The following NFIC variants were observed in gnomAD, a reference collection of about 807,000 sequenced individuals.
NFIC encodes the protein nuclear factor 1 C-type.
A neutral mutation model predicts 54.4 loss-of-function variants in NFIC; 12 were observed. The observed-to-expected ratio is 0.22, with a 90% CI of 0.14 to 0.36. NFIC has a LOEUF of 0.36. NFIC is among the 10% of genes least tolerant of loss of function. NFIC has a pLI of 1.00. For missense variants in NFIC, 575 were observed against 718.2 expected (o/e 0.80, Z 2.28); for synonymous variants, 322 against 319.2 (o/e 1.01, Z -0.09).
chr19:3,455,110 A>G lies in NFIC; in HGVS notation c.1423+1194A>G, dbSNP rs201506171. On this transcript the variant is annotated intron_variant, in intron 9 of 10. Coordinates refer to ENST00000443272, the MANE Select transcript of NFIC (RefSeq NM_001245002.2). The stretch of plus-strand genomic sequence containing the variant: ...CATGGGTCAGGGAGGCAGAGAGGAC[A>G]TTCCATGTGGCGCCTGATGCTGCGT... Among the ~76,000 whole-genome samples the G allele has an allele frequency of 7.2e-5, 11 of 152,318 alleles. No homozygotes were observed. In the East Asian group the frequency reaches 1.9e-3, roughly 27 times the overall value.
At chr19:3,433,279 A>G (rs2145627677) in intron 3 of NFIC, among the ~76,000 whole-genome samples, 1 of 152,354 alleles carries the variant, frequency 6.6e-6, no homozygotes, top group Non-Finnish European at 1.5e-5. Flanking sequence ...GTTCACTTGA[A>G]TGCAGCATTC....
At chr19:3,440,855 A>AGT (rs1341032487) in intron 6 of NFIC, among the ~76,000 whole-genome samples, 1 of 152,008 alleles carries the variant, frequency 6.6e-6, no homozygotes, top group African/African-American at 2.4e-5. Flanking sequence ...TTTCCCAAAT[A>AGT]GTGACTTGCT....
rs2082487496 is a variant in NFIC at position 3,452,739 on chromosome 19, C to T, written c.1269+73C>T. On this transcript the variant is annotated intron_variant, in intron 8 of 10. Coordinates refer to ENST00000443272, the MANE Select transcript of NFIC (RefSeq NM_001245002.2). This position sits in a 1 kb window ranked among gnomAD's most constrained non-coding sequence, Gnocchi z 5.3. ...ACCTCCCGGGGGCCACGTGCTCACA[C>T]GAAGGCACAACCTCTGCTTAAAAGG... The T allele has an allele frequency of 8.0e-6, 12 of 1,499,324 alleles. No homozygotes were observed. The highest frequency in any genetic ancestry group is 5.1e-5 in the South Asian group (4 of 77,934). 92.9% of individuals were successfully genotyped at this position (1,499,324 alleles called of 1,614,324 possible).
chr19:3,400,232 T>G (rs2081534358), intron 2 of NFIC, among the ~76,000 whole-genome samples: 1 of 151,816 alleles, frequency 6.6e-6, no homozygotes, highest in East Asian at 1.9e-4. Context: ...TCCCAGCACT[T>G]TGGGAGGCTG....
chr19:3,448,257 G>A (rs2145671483), intron 6 of NFIC, among the ~76,000 whole-genome samples: 1 of 152,324 alleles, frequency 6.6e-6, no homozygotes, highest in South Asian at 2.1e-4. Context: ...ATTTTTAGTG[G>A]AGACAGGGTT....
At position 3,390,120 on chromosome 19, in the gene NFIC, G is replaced by A. The variant is rs116220188; in HGVS notation, c.562+7877G>A. On this transcript the variant is annotated intron_variant, in intron 2 of 10. Coordinates refer to ENST00000443272, the MANE Select transcript of NFIC (RefSeq NM_001245002.2). Reference sequence around the variant, plus strand: ...CTTTTCCCAACCCAGTGAGCCAGTGGGGGCACCGTGACCCAGGAGTGGCTG... The same window carrying A: ...CTTTTCCCAACCCAGTGAGCCAGTGAGGGCACCGTGACCCAGGAGTGGCTG... Among the ~76,000 whole-genome samples the A allele has an allele frequency of 6.1e-3, 929 of 152,350 alleles. 5 individuals carry two copies. The highest frequency in any genetic ancestry group is 0.021 in the African/African-American group (881 of 41,576).
chr19:3,448,325 A>G (rs1422331039), intron 6 of NFIC, among the ~76,000 whole-genome samples: 1 of 152,158 alleles, frequency 6.6e-6, no homozygotes, highest in East Asian at 1.9e-4. Context: ...TGCCCACCTC[A>G]GCCTCCCAAA....
chr19:3,434,121 T>C (rs572099605), intron 4 of NFIC, among the ~76,000 whole-genome samples, 156 bp from the exon 5 acceptor site: 2 of 152,252 alleles, frequency 1.3e-5, no homozygotes, highest in East Asian at 1.9e-4. Flanking sequence ...CTCTGATCCA[T>C]AGAATAAAAC....
intron 1 of NFIC, chr19:3,359,735 G>A (rs1490893020): frequency 7.2e-7 from 1 of 1,396,120 alleles, no homozygotes; most frequent in Non-Finnish European, 9.4e-7. Flanking sequence ...TTTTGGGGTG[G>A]TGCGTGGGCT....
At chr19:3,419,129 A>G (rs1489260151) in intron 2 of NFIC, among the ~76,000 whole-genome samples, 1 of 152,108 alleles carries the variant, frequency 6.6e-6, no homozygotes, top group East Asian at 1.9e-4. Context: ...GTTTGGGAAG[A>G]GTAGAAAGTT....
chr19:3,434,456 C>T lies in NFIC; in HGVS notation c.833+56C>T, dbSNP rs1043332946. ...TTCATGACCCCATTCATCAACCCAT[C>T]CCCTCTGGCCCGAGCTGACTCATTC... On this transcript the variant is annotated intron_variant, in intron 5 of 10. Coordinates refer to ENST00000443272, the MANE Select transcript of NFIC (RefSeq NM_001245002.2). 5.1e-5 allele frequency: 78 copies of T among 1,524,088 alleles called. No individual in the cohort carries two copies. The Admixed American group carries it at 1.5e-3, about 29-fold the overall frequency. The allele number at this position is 1,524,088 out of a possible 1,614,324, so 94.4% of individuals were successfully genotyped here.
intron 9 of NFIC, chr19:3,454,138 T>C (rs1262318489): frequency 1.3e-5 from 17 of 1,336,608 alleles, no homozygotes; most frequent in Non-Finnish European, 1.6e-5. Flanking sequence ...AGGGTGAGAG[T>C]CCAGGGTCTG....
chr19:3,393,618 C>T (rs2081410582), intron 2 of NFIC, among the ~76,000 whole-genome samples: 1 of 151,404 alleles, frequency 6.6e-6, no homozygotes, highest in African/African-American at 2.4e-5. Flanking sequence ...ATTTCAAGAC[C>T]AGCCTGACCA....
At chr19:3,398,604 C>G (rs1406126499) in intron 2 of NFIC, among the ~76,000 whole-genome samples, 2 of 152,158 alleles carry the variant, frequency 1.3e-5, no homozygotes, top group Admixed American at 6.5e-5. Flanking sequence ...CAGGCATCCC[C>G]CAGGCAGGAG....
intron 2 of NFIC, among the ~76,000 whole-genome samples, chr19:3,389,017 G>A (rs573067092): frequency 6.6e-6 from 1 of 152,220 alleles, no homozygotes; most frequent in South Asian, 2.1e-4. Context: ...ATAAAAGGGA[G>A]GTGGTATTGA....
intron 1 of NFIC, among the ~76,000 whole-genome samples, chr19:3,361,225 G>A (rs1160292834): frequency 6.6e-6 from 1 of 152,206 alleles, no homozygotes; most frequent in Non-Finnish European, 1.5e-5. Context: ...GCTTGCGCGG[G>A]GACCTGCCCC....
At position 3,467,753 on chromosome 19, in the gene NFIC, CTATACATATA is replaced by C. The variant is rs936864931; in HGVS notation, c.*4989_*4998del. On this transcript the variant is annotated 3_prime_UTR_variant, in exon 11 of 11. Coordinates refer to ENST00000443272, the MANE Select transcript of NFIC (RefSeq NM_001245002.2). ...CTTTGACCTCCAGTGTAGGGCTATA[CTATACATATA>C]TATATATATATATATATATATATAT... The C allele has an allele frequency of 3.1e-5, 1 of 31,796 alleles. No homozygotes were observed. The highest frequency in any genetic ancestry group is 2.4e-4 in the African/African-American group (1 of 4,150). The allele number at this position is 31,796 out of a possible 1,614,324, so 2.0% of individuals were successfully genotyped here. A position where few individuals can be genotyped will look rare whatever the true frequency, so the allele number is the denominator to read the frequency against.
In NFIC at chr19:3,459,461, G is replaced by A. The variant is rs890675942; in HGVS notation, c.1509+2826G>A. On this transcript the variant is annotated intron_variant, in intron 10 of 10. Transcript: ENST00000443272. The surrounding 1 kb of genome is among the most constrained non-coding windows in gnomAD (Gnocchi z 4.2). ...GTAAGCAGCTGGGTAAACCGAGGGTGGGGGGCAAGGCGGGCATTGAGCCAC... is the reference window on the plus strand; with the variant it reads ...GTAAGCAGCTGGGTAAACCGAGGGTAGGGGGCAAGGCGGGCATTGAGCCAC... Among the ~76,000 whole-genome samples the A allele has an allele frequency of 6.7e-6, 1 of 150,370 alleles. No individual in the cohort carries two copies. Among genetic ancestry groups the A allele is most frequent in the Non-Finnish European group, 1.5e-5 (1 of 68,036 alleles).
chr19:3,466,764 G>A lies in NFIC; in HGVS notation c.*3995G>A, dbSNP rs1189856422. The A allele has an allele frequency of 3.3e-5, 5 of 151,838 alleles. No individual in the cohort carries two copies. Among genetic ancestry groups the A allele is most frequent in the African/African-American group, 7.3e-5 (3 of 41,280 alleles). The allele number at this position is 151,838 out of a possible 1,614,324, so 9.4% of individuals were successfully genotyped here. On this transcript the variant is annotated 3_prime_UTR_variant, in exon 11 of 11. Transcript: ENST00000443272. This position sits in a 1 kb window ranked among gnomAD's most constrained non-coding sequence, Gnocchi z 4.8. Reference sequence around the variant, plus strand: ...TGGCCCCATCACTATTGGGACCATCGCGTCCCTGCACAGCCCACACCCGGG... The same window carrying A: ...TGGCCCCATCACTATTGGGACCATCACGTCCCTGCACAGCCCACACCCGGG...
Sources: allele counts gnomAD v4.1 joint callset (sites outside exome capture counted in the v4.1 genomes callset), GRCh38; gene constraint gnomAD v4.1.1; non-coding constraint Gnocchi (gnomAD v3.1); transcripts MANE v1.5; gene names NCBI Gene and HGNC (gene_info 2026-07-23, HGNC 2026-07-21).